CYFIP1: variants seen among roughly 807,000 people sequenced by gnomAD.
The protein encoded by CYFIP1 is cytoplasmic FMR1 interacting protein 1.
Under a neutral mutation model 163.5 loss-of-function variants are expected in CYFIP1, and 58 were observed. That is an observed-to-expected ratio of 0.35 (90% confidence interval 0.29 to 0.44). CYFIP1 has a LOEUF of 0.44. Among genes scored for constraint, CYFIP1 ranks in the 20% least tolerant of loss-of-function variants. CYFIP1 has a pLI of 1.00. For synonymous variants in CYFIP1, 663 were observed against 660.7 expected (o/e 1.00, Z -0.05); for missense variants, 1,338 against 1,653.8 (o/e 0.81, Z 3.31).
intron 3 of CYFIP1, 78 bp downstream of exon 3, chr15:22,946,925 T>C (rs2062082540): frequency 2.4e-6 from 3 of 1,240,388 alleles, no homozygotes; most frequent in South Asian, 2.4e-5. Context: ...TCTATTGGGA[T>C]AATACCAAAA....
At chr15:22,951,539 C>A in intron 1 of CYFIP1, 1 of 1,287,618 alleles carries the variant, frequency 7.8e-7, no homozygotes, top group African/African-American at 1.5e-5. Flanking sequence ...CCGTGTCCTG[C>A]GACTCCAGCC....
intron 15 of CYFIP1, 104 bp from the exon 16 acceptor site, chr15:22,916,734 T>C (rs759916584): frequency 1.2e-6 from 2 of 1,613,286 alleles, no homozygotes; most frequent in Admixed American, 3.3e-5. Flanking sequence ...CGCTACGCCC[T>C]GGTCGGGAGG....
At chr15:22,870,708 G>A (rs959914625) in intron 30 of CYFIP1, among the ~76,000 whole-genome samples, 2 of 152,104 alleles carry the variant, frequency 1.3e-5, no homozygotes, top group African/African-American at 4.8e-5. Flanking sequence ...ATTCATTCAT[G>A]CGCACAATTG....
At position 22,910,703 on chromosome 15, in the gene CYFIP1, C is replaced by T. The variant is rs370773886; in HGVS notation, c.2159+34G>A. ...GGGAATGTCAGATCAAATTATGAAA[C>T]GTTTTGTATCAAAATCACACACCAG... On this transcript the variant is annotated intron_variant, in intron 19 of 30. Coordinates refer to ENST00000617928, the MANE Select transcript of CYFIP1 (RefSeq NM_014608.6). 4.8e-5 allele frequency: 77 copies of T among 1,607,216 alleles called. 1 individual carries two copies. Among genetic ancestry groups the T allele is most frequent in the African/African-American group, 2.7e-4 (20 of 74,830 alleles).
chr15:22,874,706 G>T, intron 27 of CYFIP1, 62 bp from the exon 28 acceptor site: 1 of 1,102,636 alleles, frequency 9.1e-7, no homozygotes, highest in Non-Finnish European at 1.2e-6. Context: ...AATTGCAAAG[G>T]TTTACATTTG....
At chr15:22,909,953 C>A (rs1355997653) in intron 20 of CYFIP1, among the ~76,000 whole-genome samples, 5 of 152,054 alleles carry the variant, frequency 3.3e-5, no homozygotes, top group African/African-American at 1.2e-4. Flanking sequence ...GGCTTTTGGG[C>A]TCCTGGAGAA....
In CYFIP1 at chr15:22,941,983, A is replaced by G. The variant is rs35235372; in HGVS notation, c.569+1190T>C. On this transcript the variant is annotated intron_variant, in intron 6 of 30. Transcript: ENST00000617928. ...AGCCCACTCCGACCAGTGAGTCTCG[A>G]TGCTAGATTCCCACAGATGCTGTTA... Among the ~76,000 whole-genome samples, 530 of 152,316 alleles carry G rather than the reference A, an allele frequency of 3.5e-3. 1 individual carries two copies. The highest frequency in any genetic ancestry group is 6.0e-3 in the Non-Finnish European group (410 of 68,018).
chr15:22,903,224 C>A (rs1566947292), intron 22 of CYFIP1, among the ~76,000 whole-genome samples: 1 of 152,156 alleles, frequency 6.6e-6, no homozygotes, highest in Admixed American at 6.5e-5. Flanking sequence ...AGAGAAGGAA[C>A]CTCAGCCAGA....
In CYFIP1 at chr15:22,882,860, A is replaced by C; in HGVS notation, c.2820+8T>G. 6.2e-7 allele frequency: 1 copy of C among 1,611,696 alleles called. No homozygotes were observed. Among genetic ancestry groups the C allele is most frequent in the Non-Finnish European group, 8.5e-7 (1 of 1,178,096 alleles). Reference sequence around the variant, plus strand: ...TGTGTGAAAGAAGCATGTCCAGGGAACACTCACCAGGCTCTTGACGACCTT... The same window carrying C: ...TGTGTGAAAGAAGCATGTCCAGGGACCACTCACCAGGCTCTTGACGACCTT... On this transcript the variant is annotated splice_region_variant and intron_variant, in intron 24 of 30. Transcript: ENST00000617928.
chr15:22,977,241 C>T (rs2063312049), intron 1 of CYFIP1, among the ~76,000 whole-genome samples: 1 of 151,618 alleles, frequency 6.6e-6, no homozygotes, highest in African/African-American at 2.4e-5. Flanking sequence ...TGTGTGTTGA[C>T]TTTGTATCTT....
chr15:22,959,802 C>A (rs989466827), intron 1 of CYFIP1, among the ~76,000 whole-genome samples: 1 of 152,218 alleles, frequency 6.6e-6, no homozygotes, highest in Middle Eastern at 3.2e-3. Flanking sequence ...CCCCACCAGC[C>A]TCTCAGGTTC....
chr15:22,907,190 C>T (rs2060613958), intron 21 of CYFIP1, among the ~76,000 whole-genome samples: 2 of 152,186 alleles, frequency 1.3e-5, no homozygotes, highest in Admixed American at 6.5e-5. Context: ...GTTTTAGCTC[C>T]CTGAAACCTG....
At chr15:22,918,582 A>G in intron 14 of CYFIP1, 110 bp downstream of exon 14, 1 of 1,020,220 alleles carries the variant, frequency 9.8e-7, no homozygotes. Flanking sequence ...TGAAGGTTGA[A>G]GATAAATATA....
intron 22 of CYFIP1, among the ~76,000 whole-genome samples, chr15:22,893,221 C>G (rs1331043756): frequency 6.6e-6 from 1 of 152,170 alleles, no homozygotes; most frequent in Non-Finnish European, 1.5e-5. Context: ...TCTGCTGTAC[C>G]AGAGCCGCCT....
intron 1 of CYFIP1, among the ~76,000 whole-genome samples, chr15:22,968,625 C>A (rs1387762751): frequency 6.6e-6 from 1 of 152,156 alleles, no homozygotes. Flanking sequence ...CTACCACCTC[C>A]ACACCCTGTC....
intron 1 of CYFIP1, chr15:22,947,893 G>A: frequency 5.2e-6 from 5 of 967,048 alleles, no homozygotes; most frequent in Non-Finnish European, 6.1e-6. Context: ...AATGAAGGCA[G>A]ACATCGTCTA....
chr15:22,876,304 C>T (rs564765291), intron 26 of CYFIP1, among the ~76,000 whole-genome samples: 16 of 152,108 alleles, frequency 1.1e-4, no homozygotes, highest in South Asian at 2.1e-4. Context: ...TGCCAGACGC[C>T]GGCCAGACAC....
chr15:22,892,747 T>C (rs1229532954), intron 23 of CYFIP1, 143 bp downstream of exon 23: 6 of 645,158 alleles, frequency 9.3e-6, no homozygotes, highest in African/African-American at 1.8e-5. Flanking sequence ...TTCAGGAAGA[T>C]GTTAACAGAA....
At chr15:22,870,977 G>A (rs1157575030) in intron 30 of CYFIP1, among the ~76,000 whole-genome samples, 2 of 151,884 alleles carry the variant, frequency 1.3e-5, no homozygotes, top group Non-Finnish European at 2.9e-5. Flanking sequence ...TGGTAAGGGG[G>A]AAGCCAGGGC....
Sources: allele counts gnomAD v4.1 joint callset (sites outside exome capture counted in the v4.1 genomes callset), GRCh38; gene constraint gnomAD v4.1.1; transcripts MANE v1.5; gene names NCBI Gene and HGNC (gene_info 2026-07-23, HGNC 2026-07-21).